BEND3: variants seen among roughly 807,000 people sequenced by gnomAD.
BEND3 encodes BEN domain containing 3.
In BEND3, 13 loss-of-function variants were observed where a neutral mutation model predicts 60.1. That is an observed-to-expected ratio of 0.22 (90% CI 0.14 to 0.34). BEND3 has a LOEUF of 0.34. Ranked by LOEUF, BEND3 falls within the 10% of genes least tolerant of loss-of-function variation. BEND3 has a pLI of 1.00. For missense variants in BEND3, 896 were observed against 1,138.1 expected (o/e 0.79, Z 3.06); for synonymous variants, 497 against 491.5 (o/e 1.01, Z -0.15).
chr6:107,069,948 G>T lies in BEND3; in HGVS notation c.1243C>A (p.Leu415Ile). The T allele has an allele frequency of 1.2e-6, 2 of 1,613,904 alleles. No individual in the cohort carries two copies. The highest frequency in any genetic ancestry group is 1.7e-6 in the Non-Finnish European group (2 of 1,180,040). ...AAGAGCTCGGGGAAGAGCCGGTGGA[G>T]GAGGAAGACGGCAAACTCGCCTGGT... ...SSPGEFAVFL[L>I]HRLFPELFDH... is the part of the protein sequence containing the mutation. Residue 415 changes from leucine to isoleucine, a missense_variant, in exon 4 of 4, where the codon CTC (leucine) becomes ATC (isoleucine). Physicochemically the swap from Leu to Ile is conservative, Grantham distance 5. This residue lies in a region of BEND3 where 846 missense variants were observed against 1,036.7 expected (regional missense o/e 0.82). Coordinates refer to ENST00000369042, the MANE Select transcript of BEND3 (RefSeq NM_001367314.1).
intron 3 of BEND3, among the ~76,000 whole-genome samples, chr6:107,089,586 GA>G (rs1156709838): frequency 4.9e-4 from 48 of 98,842 alleles, no homozygotes; most frequent in East Asian, 2.2e-3. Context: ...ACTCTGTCTC[GA>G]AAAAAAAAAA....
intron 1 of BEND3, among the ~76,000 whole-genome samples, chr6:107,102,706 T>C (rs1249963606): frequency 6.6e-6 from 1 of 152,200 alleles, no homozygotes; most frequent in Non-Finnish European, 1.5e-5. Flanking sequence ...GAATCTCCCA[T>C]TTGCAAGGCC....
At chr6:107,082,122 A>G (rs1238373542) in intron 3 of BEND3, among the ~76,000 whole-genome samples, 1 of 152,166 alleles carries the variant, frequency 6.6e-6, no homozygotes, top group Admixed American at 6.5e-5. Context: ...TTTCGGGTGT[A>G]GTTTTGGATA....
rs61734159 is a variant in BEND3 at position 107,070,603 on chromosome 6, G to A, written c.588C>T (p.Ile196=). The part of the protein sequence containing the change: ...TDNDPNIYFL[I]QKMFYMLNTL... ...TGTTCAGCATGTAGAACATCTTCTG[G>A]ATCAGGAAGTAGATGTTGGGGTCGT... Residue 196 remains isoleucine, a synonymous_variant, in exon 4 of 4, where the codon ATC becomes ATT. Transcript: ENST00000369042. This position sits in a 1 kb window ranked among gnomAD's most constrained non-coding sequence, Gnocchi z 6.9. 8.1e-3 allele frequency: 13,022 copies of A among 1,612,440 alleles called. 361 individuals are homozygous for A. The highest frequency in any genetic ancestry group is 0.068 in the African/African-American group (5,069 of 74,964).
chr6:107,104,383 T>C (rs1287661431), intron 1 of BEND3, among the ~76,000 whole-genome samples: 1 of 152,058 alleles, frequency 6.6e-6, no homozygotes, highest in Non-Finnish European at 1.5e-5. Flanking sequence ...TTAGTGTTCA[T>C]TTTAAGAGGG....
intron 3 of BEND3, among the ~76,000 whole-genome samples, chr6:107,080,212 CATGG>C (rs1269291194): frequency 6.6e-6 from 1 of 151,768 alleles, no homozygotes; most frequent in African/African-American, 2.4e-5. Context: ...ACCTGGGTAA[CATGG>C]CAAACCCCTG....
chr6:107,099,196 G>C, intron 2 of BEND3, 53 bp downstream of exon 2: 1 of 1,424,192 alleles, frequency 7.0e-7, no homozygotes, highest in Non-Finnish European at 9.9e-7. Flanking sequence ...TGTATGACCT[G>C]ATCAAAAGTA....
rs886191592 is a variant in BEND3 at position 107,066,050 on chromosome 6, C to G, written c.*2654G>C. The stretch of plus-strand genomic sequence containing the variant: ...TGTGACTTACTAGTTCATTCAACAT[C>G]AAAACGTGTCTGTGCTAATCTTTTA... On this transcript the variant is annotated 3_prime_UTR_variant, in exon 4 of 4. Transcript: ENST00000369042. The G allele has an allele frequency of 1.4e-5, 2 of 137,956 alleles. No individual in the cohort carries two copies. Among genetic ancestry groups the G allele is most frequent in the Non-Finnish European group, 3.0e-5 (2 of 65,594 alleles). The allele number at this position is 137,956 out of a possible 1,614,324, so 8.5% of individuals were successfully genotyped here. A position where few individuals can be genotyped will look rare whatever the true frequency, so the allele number is the denominator to read the frequency against.
In BEND3 at chr6:107,065,777, G is replaced by A. The variant is rs1554230701; in HGVS notation, c.*2927C>T. On this transcript the variant is annotated 3_prime_UTR_variant, in exon 4 of 4. Coordinates refer to ENST00000369042, the MANE Select transcript of BEND3 (RefSeq NM_001367314.1). ...CCCATTGGTTGGTTGGTTGATGATTGCTGCTGATGTGGTTCCCCACTCCCC... is the reference window on the plus strand; with the variant it reads ...CCCATTGGTTGGTTGGTTGATGATTACTGCTGATGTGGTTCCCCACTCCCC... The A allele has an allele frequency of 6.6e-6, 1 of 152,176 alleles. No homozygotes were observed. The highest frequency in any genetic ancestry group is 1.5e-5 in the Non-Finnish European group (1 of 68,044). The allele number at this position is 152,176 out of a possible 1,614,324, so 9.4% of individuals were successfully genotyped here. A position where few individuals can be genotyped will look rare whatever the true frequency, so the allele number is the denominator to read the frequency against.
At chr6:107,086,764 C>T (rs200049422) in intron 3 of BEND3, among the ~76,000 whole-genome samples, 4 of 149,836 alleles carry the variant, frequency 2.7e-5, no homozygotes, top group Admixed American at 6.7e-5. Flanking sequence ...CAGTGGCTCA[C>T]GCCTGTAATC....
rs1774885199 is a variant in BEND3, at chr6:107,068,726, T to C, written c.2465A>G (p.Lys822Arg). 6.2e-7 allele frequency: 1 copy of C among 1,613,676 alleles called. No individual in the cohort carries two copies. Among genetic ancestry groups the C allele is most frequent in the African/African-American group, 1.3e-5 (1 of 75,046 alleles). The change falls in exon 4 of 4, where the codon AAA (lysine) becomes AGA (arginine). Residue 822 changes from lysine (K) to arginine (R), a missense_variant. Coordinates refer to ENST00000369042, the MANE Select transcript of BEND3 (RefSeq NM_001367314.1). The surrounding 1 kb of genome is among the most constrained non-coding windows in gnomAD (Gnocchi z 5.8). ...PNRKKCDILK[K>R]AKKVEK is the part of the protein sequence containing the mutation. ...CCTTCACTTCTCCACTTTCTTTGCT[T>C]TCTTGAGGATGTCGCATTTTTTCCT...
chr6:107,107,831 G>GT (rs1310217504), intron 1 of BEND3, among the ~76,000 whole-genome samples: 7 of 152,180 alleles, frequency 4.6e-5, no homozygotes, highest in Admixed American at 2.0e-4. Context: ...GATTAAAAAG[G>GT]TTTAGTAACT....
rs1355816828 is a variant in BEND3, at chr6:107,068,085, A to G, written c.*619T>C. On this transcript the variant is annotated 3_prime_UTR_variant, in exon 4 of 4. Coordinates refer to ENST00000369042, the MANE Select transcript of BEND3 (RefSeq NM_001367314.1). This position sits in a 1 kb window ranked among gnomAD's most constrained non-coding sequence, Gnocchi z 5.8. ...AAGGGAAAACTTGCATGTGGTCGTA[A>G]AGGACTTCGCACTATTCCATCCCCT... 6.6e-6 allele frequency: 1 copy of G among 152,246 alleles called. No homozygotes were observed. Among genetic ancestry groups the G allele is most frequent in the East Asian group, 1.9e-4 (1 of 5,200 alleles). The allele number at this position is 152,246 out of a possible 1,614,324, so 9.4% of individuals were successfully genotyped here. A position where few individuals can be genotyped will look rare whatever the true frequency, so the allele number is the denominator to read the frequency against.
chr6:107,090,005 C>G (rs1309275119), intron 3 of BEND3, among the ~76,000 whole-genome samples: 1 of 151,864 alleles, frequency 6.6e-6, no homozygotes, highest in Non-Finnish European at 1.5e-5. Context: ...CCAGAATATC[C>G]AAAGCTATCC....
At chr6:107,082,084 C>T (rs1775246978) in intron 3 of BEND3, among the ~76,000 whole-genome samples, 1 of 152,188 alleles carries the variant, frequency 6.6e-6, no homozygotes, top group Non-Finnish European at 1.5e-5. Context: ...ATGCTTCTAT[C>T]AACAGGAGAC....
At chr6:107,095,247 G>A (rs1775560350) in intron 3 of BEND3, among the ~76,000 whole-genome samples, 1 of 152,116 alleles carries the variant, frequency 6.6e-6, no homozygotes, top group South Asian at 2.1e-4. Flanking sequence ...AACACTTTGG[G>A]AGGCTGAGGC....
chr6:107,087,551 A>G (rs1775379082), intron 3 of BEND3, among the ~76,000 whole-genome samples: 1 of 152,170 alleles, frequency 6.6e-6, no homozygotes. Flanking sequence ...AGCCTGACCA[A>G]CATGGTGAAA....
chr6:107,094,783 A>T (rs1775549901), intron 3 of BEND3, among the ~76,000 whole-genome samples: 1 of 147,300 alleles, frequency 6.8e-6, no homozygotes, highest in Non-Finnish European at 1.5e-5. Context: ...TGAGCCCAGG[A>T]GTTTGAGATT....
At chr6:107,114,714 C>T (rs1444730873) in intron 1 of BEND3, among the ~76,000 whole-genome samples, 34 of 146,774 alleles carry the variant, frequency 2.3e-4, no homozygotes, top group African/African-American at 6.6e-4. Flanking sequence ...GGGTGCGGGG[C>T]CGGCGCGCGG....
Sources: gnomAD v4.1 joint callset for allele counts (sites outside exome capture counted in the v4.1 genomes callset) on GRCh38, gnomAD v4.1.1 for gene constraint, gnomAD v4.1.1 regional missense constraint, Gnocchi (gnomAD v3.1) non-coding constraint, MANE v1.5 for transcripts, NCBI Gene and HGNC (gene_info 2026-07-23, HGNC 2026-07-21) for gene names.